The following KCNIP4 variants were observed in gnomAD, a reference collection of about 807,000 sequenced individuals.
KCNIP4 encodes Kv channel-interacting protein 4.
A neutral mutation model predicts 34.0 loss-of-function variants in KCNIP4; 12 were observed. The observed-to-expected ratio is 0.35, with a 90% CI of 0.23 to 0.57. KCNIP4 has a LOEUF of 0.57. KCNIP4 is among the 20% of genes least tolerant of loss of function. KCNIP4 has a pLI of 0.83. For missense variants in KCNIP4, 238 were observed against 311.7 expected, an observed-to-expected ratio of 0.76 and a Z score of 1.78; for synonymous variants, 124 against 102.2, an observed-to-expected ratio of 1.21 and a Z score of -1.29.
chr4:21,432,602 C>A (rs538752262), intron 1 of KCNIP4, among the ~76,000 whole-genome samples: 1 of 151,976 alleles, frequency 6.6e-6, no homozygotes, highest in South Asian at 2.1e-4. Flanking sequence ...GTACCAAAGG[C>A]GAAGCAAATG....
At chr4:21,195,048 C>G (rs1486378803) in intron 1 of KCNIP4, among the ~76,000 whole-genome samples, 1 of 152,166 alleles carries the variant, frequency 6.6e-6, no homozygotes, top group Non-Finnish European at 1.5e-5. Flanking sequence ...AACTTCTCTT[C>G]CTCCTTAATG....
intron 1 of KCNIP4, among the ~76,000 whole-genome samples, chr4:21,551,181 C>T (rs1245376920): frequency 2.0e-5 from 3 of 151,946 alleles, no homozygotes; most frequent in African/African-American, 7.3e-5. Flanking sequence ...AAATAAATAT[C>T]TTTTTACTTC....
chr4:21,488,467 T>C (rs1355162510), intron 1 of KCNIP4, among the ~76,000 whole-genome samples: 2 of 152,082 alleles, frequency 1.3e-5, no homozygotes, highest in Admixed American at 6.6e-5. Context: ...AGAAATTTTG[T>C]AGGAAAAAGA....
intron 1 of KCNIP4, among the ~76,000 whole-genome samples, chr4:20,985,528 A>G (rs921643569): frequency 2.0e-5 from 3 of 152,166 alleles, no homozygotes; most frequent in Non-Finnish European, 4.4e-5. Flanking sequence ...AGCAGTGGGC[A>G]TAGTGACTGG....
chr4:21,450,100 C>T (rs1165173945), intron 1 of KCNIP4, among the ~76,000 whole-genome samples: 1 of 152,078 alleles, frequency 6.6e-6, no homozygotes, highest in East Asian at 1.9e-4. Context: ...ATAATTATCA[C>T]TAGCGGGGAA....
rs528948966 is a variant in KCNIP4 at position 20,893,260 on chromosome 4, G to A, written c.62-10551C>T. ...TAAGAATAGCTAAATTAATAGAGAA[G>A]GTGAAATAGGAAACTAAAAATGTTT... On this transcript the variant is annotated intron_variant, in intron 1 of 8. Coordinates refer to ENST00000382152, the MANE Select transcript of KCNIP4 (RefSeq NM_025221.6). Among the ~76,000 whole-genome samples, 7 of 152,066 alleles carry A rather than the reference G, an allele frequency of 4.6e-5. No individual in the cohort carries two copies. The South Asian group carries it at 1.5e-3, about 32-fold the overall frequency.
chr4:21,769,559 A>T (rs1445154584), intron 1 of KCNIP4, among the ~76,000 whole-genome samples: 2 of 152,116 alleles, frequency 1.3e-5, no homozygotes, highest in African/African-American at 4.8e-5. Flanking sequence ...ATCTTGAAGG[A>T]AACTGTTCGA....
intron 1 of KCNIP4, among the ~76,000 whole-genome samples, chr4:21,155,824 T>C (rs574195005): frequency 1.3e-5 from 2 of 152,166 alleles, no homozygotes; most frequent in South Asian, 4.1e-4. Context: ...GAGGGAAGAG[T>C]TGGCTATATC....
At chr4:21,411,834 T>C (rs1286711221) in intron 1 of KCNIP4, among the ~76,000 whole-genome samples, 1 of 152,074 alleles carries the variant, frequency 6.6e-6, no homozygotes, top group East Asian at 1.9e-4. Flanking sequence ...CAAGATCCCG[T>C]CTCAAAAAAA....
At chr4:21,228,000 A>C (rs1186941769) in intron 1 of KCNIP4, among the ~76,000 whole-genome samples, 1 of 152,206 alleles carries the variant, frequency 6.6e-6, no homozygotes, top group African/African-American at 2.4e-5. Context: ...ATAAAAAATA[A>C]CACTTATGTG....
intron 1 of KCNIP4, among the ~76,000 whole-genome samples, chr4:21,549,942 A>C (rs1048680042): frequency 1.3e-5 from 2 of 152,096 alleles, no homozygotes; most frequent in African/African-American, 4.8e-5. Flanking sequence ...TAAGTCTGTA[A>C]ATTGTAGACA....
intron 1 of KCNIP4, among the ~76,000 whole-genome samples, chr4:21,836,523 G>GA (rs976372509): frequency 2.0e-5 from 3 of 150,928 alleles, no homozygotes; most frequent in Non-Finnish European, 4.4e-5. Context: ...ACATTTTCCA[G>GA]AAAAAAAAAT....
intron 1 of KCNIP4, among the ~76,000 whole-genome samples, chr4:20,966,418 G>A (rs1434971602): frequency 2.0e-5 from 3 of 152,036 alleles, no homozygotes; most frequent in Non-Finnish European, 4.4e-5. Context: ...ACTAATCCAG[G>A]TACCTTAGTG....
chr4:21,817,913 A>AC (rs1040450975), intron 1 of KCNIP4, among the ~76,000 whole-genome samples: 4 of 152,090 alleles, frequency 2.6e-5, no homozygotes, highest in South Asian at 4.2e-4. Context: ...TCTTTGTTGG[A>AC]CCCATATCAG....
chr4:21,382,606 C>T (rs946471121), intron 1 of KCNIP4, among the ~76,000 whole-genome samples: 54 of 152,188 alleles, frequency 3.5e-4, no homozygotes, highest in African/African-American at 1.3e-3. Context: ...TAAAATGGAG[C>T]ACCAATAGAT....
intron 1 of KCNIP4, among the ~76,000 whole-genome samples, chr4:21,808,451 ATTTTC>A (rs1721431091): frequency 6.6e-6 from 1 of 152,094 alleles, no homozygotes; most frequent in Admixed American, 6.6e-5. Flanking sequence ...TCATCTTAAT[ATTTTC>A]TTTTCTGTAT....
At chr4:21,156,430 C>A (rs1008369797) in intron 1 of KCNIP4, among the ~76,000 whole-genome samples, 2 of 152,092 alleles carry the variant, frequency 1.3e-5, no homozygotes, top group African/African-American at 2.4e-5. Context: ...GATCATGAAA[C>A]AATTATTTGG....
At chr4:21,457,720 T>C (rs566468362) in intron 1 of KCNIP4, among the ~76,000 whole-genome samples, 87 of 152,176 alleles carry the variant, frequency 5.7e-4, no homozygotes, top group Admixed American at 1.5e-3. Context: ...AGCTGGCGTA[T>C]GGCAGTCCCA....
intron 1 of KCNIP4, among the ~76,000 whole-genome samples, chr4:21,374,513 A>G (rs1313905904): frequency 1.4e-5 from 2 of 147,196 alleles, no homozygotes; most frequent in East Asian, 2.0e-4. Flanking sequence ...GGGAGCTACA[A>G]TTCAAGAGAT....
Sources: gnomAD v4.1 joint callset for allele counts (sites outside exome capture counted in the v4.1 genomes callset) on GRCh38, gnomAD v4.1.1 for gene constraint, MANE v1.5 for transcripts, NCBI Gene and HGNC (gene_info 2026-07-23, HGNC 2026-07-21) for gene names.